Variants in COBL observed in about 807,000 individuals in gnomAD.
The protein encoded by COBL is cordon-bleu WH2 repeat protein.
A neutral mutation model predicts 98.8 loss-of-function variants in COBL; 51 were observed. That is an observed-to-expected ratio of 0.52 (90% CI 0.41 to 0.65). COBL has a LOEUF of 0.65. Among genes scored for constraint, COBL ranks in the 30% least tolerant of loss-of-function variants. COBL has a pLI of 0.00. For synonymous variants in COBL, 634 were observed against 651.7 expected (o/e 0.97, Z 0.41); for missense variants, 1,617 against 1,617.5 (o/e 1.00, Z 0.01).
At chr7:51,096,074 T>G (rs1795247821) in intron 6 of COBL, among the ~76,000 whole-genome samples, 1 of 152,172 alleles carries the variant, frequency 6.6e-6, no homozygotes, top group Non-Finnish European at 1.5e-5. Context: ...TCTGTCTCTA[T>G]GTTATATAGA....
At chr7:51,251,865 C>A (rs1347279484) in intron 1 of COBL, among the ~76,000 whole-genome samples, 1 of 151,484 alleles carries the variant, frequency 6.6e-6, no homozygotes, top group East Asian at 1.9e-4. Context: ...TGTGTATACA[C>A]ACACACACAC....
intron 2 of COBL, among the ~76,000 whole-genome samples, chr7:51,219,065 T>C (rs1437214385): frequency 6.6e-6 from 1 of 152,216 alleles, no homozygotes; most frequent in Non-Finnish European, 1.5e-5. Context: ...TGTGCAAATC[T>C]ATTGGTCACA....
chr7:51,215,057 T>C (rs1049801110), intron 2 of COBL, among the ~76,000 whole-genome samples: 2 of 152,162 alleles, frequency 1.3e-5, no homozygotes, highest in African/African-American at 2.4e-5. Flanking sequence ...TCACGAAAGT[T>C]AGCAATAAAC....
intron 6 of COBL, among the ~76,000 whole-genome samples, chr7:51,111,566 CGG>C (rs1411470334): frequency 1.3e-5 from 2 of 152,172 alleles, no homozygotes; most frequent in African/African-American, 4.8e-5. Context: ...AGCCTCAGCA[CGG>C]AGTGTCCTCT....
At chr7:51,238,421 G>A (rs1269270319) in intron 1 of COBL, among the ~76,000 whole-genome samples, 2 of 152,066 alleles carry the variant, frequency 1.3e-5, no homozygotes, top group African/African-American at 2.4e-5. Flanking sequence ...GACAGTAGCG[G>A]GGCAGAGCTC....
intron 5 of COBL, among the ~76,000 whole-genome samples, chr7:51,163,254 G>A (rs1277717815): frequency 1.3e-5 from 2 of 152,158 alleles, no homozygotes; most frequent in East Asian, 1.9e-4. Flanking sequence ...TAAAAACAAC[G>A]GCAGAGTGCT....
intron 1 of COBL, among the ~76,000 whole-genome samples, chr7:51,298,694 A>C (rs1273979165): frequency 6.6e-6 from 1 of 152,220 alleles, no homozygotes; most frequent in African/African-American, 2.4e-5. Flanking sequence ...GAAAGCTGCA[A>C]AATGGTGCAA....
Position 51,043,546 on chromosome 7 carries a change from C to A in COBL, c.1243G>T (p.Asp415Tyr). The A allele has an allele frequency of 6.2e-7, 1 of 1,614,242 alleles. No individual in the cohort carries two copies. The highest frequency in any genetic ancestry group is 8.5e-7 in the Non-Finnish European group (1 of 1,180,046). ...TGCTGCGAGTCCAGAGAGACGATGT[C>A]TGAGGGGGAACTCATCACTCCTGAG... ...EDSGVMSSPS[D>Y]IVSLDSQQDS... The change falls in exon 8 of 13, where the codon GAC (aspartate) becomes TAC (tyrosine). Residue 415 changes from aspartate to tyrosine, a missense_variant. Around this residue, in one of 3 missense-constraint regions of COBL, gnomAD observed 1,304 missense variants for 1,282.0 expected, o/e 1.02. Coordinates refer to ENST00000265136, the MANE Select transcript of COBL (RefSeq NM_015198.5).
At chr7:51,035,329 C>T (rs1481217571) in intron 8 of COBL, 1 of 150,742 alleles carries the variant, frequency 6.6e-6, no homozygotes, top group Non-Finnish European at 1.5e-5. Flanking sequence ...GTCACTTTTT[C>T]TTTTTGATGA....
At chr7:51,293,639 T>A (rs1801118732) in intron 1 of COBL, among the ~76,000 whole-genome samples, 2 of 152,196 alleles carry the variant, frequency 1.3e-5, no homozygotes, top group African/African-American at 4.8e-5. Context: ...CACATCAAAA[T>A]TCATAAAGCT....
At chr7:51,174,431 G>GGA (rs1430393218) in intron 5 of COBL, among the ~76,000 whole-genome samples, 1 of 152,020 alleles carries the variant, frequency 6.6e-6, no homozygotes, top group Non-Finnish European at 1.5e-5. Context: ...ACTGAAGAAG[G>GGA]GATGTCTAGA....
chr7:51,093,567 T>C (rs1265343379), intron 6 of COBL, among the ~76,000 whole-genome samples: 3 of 152,206 alleles, frequency 2.0e-5, no homozygotes, highest in Admixed American at 2.0e-4. Context: ...TTCAACATTA[T>C]TATGAATGCC....
Position 51,151,628 on chromosome 7 carries a change from TA to T in COBL, c.784-15298del, listed in dbSNP as rs550515774. On this transcript the variant is annotated intron_variant, in intron 5 of 12. Transcript: ENST00000265136. ...CAAAAGCATACAAAGAGAGGCGGAA[TA>T]AACATTTAGGGTAATTACAGCTGGC... is the stretch of plus-strand genomic sequence containing the variant. Among the ~76,000 whole-genome samples the T allele has an allele frequency of 1.5e-4, 23 of 152,326 alleles. No homozygotes were observed. The East Asian group carries it at 4.2e-3, about 28-fold the overall frequency.
At chr7:51,273,929 C>T (rs1296856825) in intron 1 of COBL, among the ~76,000 whole-genome samples, 1 of 152,092 alleles carries the variant, frequency 6.6e-6, no homozygotes, top group Non-Finnish European at 1.5e-5. Context: ...TCTCTGGTGA[C>T]GCCAACTCCC....
intron 1 of COBL, among the ~76,000 whole-genome samples, chr7:51,249,610 T>G (rs1796544009): frequency 1.3e-5 from 2 of 152,232 alleles, no homozygotes; most frequent in African/African-American, 4.8e-5. Flanking sequence ...ATCACCTTTG[T>G]TCTGATTTGA....
At chr7:51,192,525 G>A (rs781689035) in intron 3 of COBL, among the ~76,000 whole-genome samples, 1 of 152,138 alleles carries the variant, frequency 6.6e-6, no homozygotes, top group Non-Finnish European at 1.5e-5. Flanking sequence ...AGAACTGCTT[G>A]AACCTGGGAG....
intron 1 of COBL, among the ~76,000 whole-genome samples, chr7:51,231,457 C>G (rs925179566): frequency 6.6e-6 from 1 of 152,218 alleles, no homozygotes; most frequent in South Asian, 2.1e-4. Context: ...ATATGCAGGG[C>G]TGGGTCAAGG....
chr7:51,296,481 G>C (rs1801428068), intron 1 of COBL, among the ~76,000 whole-genome samples: 1 of 151,248 alleles, frequency 6.6e-6, no homozygotes, highest in African/African-American at 2.4e-5. Context: ...TTTTGTTTTT[G>C]GTTTTGCTTT....
intron 7 of COBL, among the ~76,000 whole-genome samples, chr7:51,081,062 T>C (rs904799867): frequency 2.6e-5 from 4 of 152,022 alleles, no homozygotes; most frequent in Non-Finnish European, 4.4e-5. Flanking sequence ...TGCTTGAACA[T>C]GTGGTGCGCT....
Sources: allele counts gnomAD v4.1 joint callset (sites outside exome capture counted in the v4.1 genomes callset), GRCh38; gene constraint gnomAD v4.1.1; regional missense constraint gnomAD v4.1.1; transcripts MANE v1.5; gene names NCBI Gene and HGNC (gene_info 2026-07-23, HGNC 2026-07-21).